The following NDRG3 variants were observed in gnomAD, a reference collection of about 807,000 sequenced individuals.
NDRG3 encodes the protein NDRG family member 3, also known as protein NDRG3.
In NDRG3, 23 loss-of-function variants were observed where a neutral mutation model predicts 57.2. The observed-to-expected ratio is 0.40, with a 90% confidence interval of 0.29 to 0.57. NDRG3 has a LOEUF of 0.57. Ranked by LOEUF, NDRG3 falls within the 20% of genes least tolerant of loss-of-function variation. The pLI is 0.42. For missense variants in NDRG3, 384 were observed against 457.3 expected (o/e 0.84, Z 1.46); for synonymous variants, 132 against 162.6 (o/e 0.81, Z 1.43).
chr20:36,669,646 T>G (rs1979967816), intron 9 of NDRG3, among the ~76,000 whole-genome samples: 1 of 152,182 alleles, frequency 6.6e-6, no homozygotes, highest in Admixed American at 6.5e-5. Context: ...ATTACAGGCG[T>G]GAGCCATGGC....
intron 3 of NDRG3, among the ~76,000 whole-genome samples, chr20:36,693,696 G>A (rs78505775): frequency 6.6e-6 from 1 of 151,744 alleles, no homozygotes; most frequent in Non-Finnish European, 1.5e-5. Context: ...AACTAAGCAT[G>A]CAAGGGATCT....
intron 2 of NDRG3, among the ~76,000 whole-genome samples, chr20:36,712,572 TATATATATATATATA>T (rs1409013849): frequency 1.7e-4 from 3 of 17,924 alleles, no homozygotes; most frequent in East Asian, 2.1e-3. Context: ...TATATATATA[TATATATATATATATA>T]TTTTTTTTTT....
chr20:36,683,578 C>T (rs1981503751), intron 6 of NDRG3, among the ~76,000 whole-genome samples: 1 of 151,542 alleles, frequency 6.6e-6, no homozygotes, highest in Non-Finnish European at 1.5e-5. Context: ...GATCGCACCA[C>T]TACACTCTAG....
At chr20:36,660,750 C>T (rs1482112501) in intron 12 of NDRG3, among the ~76,000 whole-genome samples, 4 of 151,998 alleles carry the variant, frequency 2.6e-5, no homozygotes, top group East Asian at 1.9e-4. Context: ...TTAGTAGAGA[C>T]GGGGTTTCAC....
rs1978420369 is a variant in NDRG3, at chr20:36,653,805, A to G, written c.947-104T>C. The G allele has an allele frequency of 4.8e-6, 5 of 1,046,978 alleles. No individual in the cohort carries two copies. Among genetic ancestry groups the G allele is most frequent in the Admixed American group, 2.3e-5 (1 of 43,198 alleles). 64.9% of individuals were successfully genotyped at this position (1,046,978 alleles called of 1,614,324 possible). ...TATGTTTAGCTTTTCCGACTCATTT[A>G]CCATGACACCCAGGACAAGATATAG... On this transcript the variant is annotated intron_variant, in intron 15 of 15. Transcript: ENST00000349004. This position sits in a 1 kb window ranked among gnomAD's most constrained non-coding sequence, Gnocchi z 4.2.
Position 36,653,865 on chromosome 20 carries a change from T to C in NDRG3, c.947-164A>G, listed in dbSNP as rs767685555. On this transcript the variant is annotated intron_variant, in intron 15 of 15. Transcript: ENST00000349004. The surrounding 1 kb of genome is among the most constrained non-coding windows in gnomAD (Gnocchi z 4.2). ...TTTTGTATCATTTGCTCTAGGTGAG[T>C]GGCGATATGTGAGGCCACTTTAATC... 1.3e-5 allele frequency among the ~76,000 whole-genome samples: 2 copies of C among 152,114 alleles called. No homozygotes were observed. Among genetic ancestry groups the C allele is most frequent in the Admixed American group, 6.6e-5 (1 of 15,258 alleles).
At chr20:36,684,582 G>T in intron 5 of NDRG3, 107 bp from the exon 6 acceptor site, 1 of 945,058 alleles carries the variant, frequency 1.1e-6, no homozygotes, top group South Asian at 1.4e-5. Context: ...GAGCGCAGTA[G>T]CTCATGCCTA....
At chr20:36,710,939 C>T (rs1399662734) in intron 2 of NDRG3, among the ~76,000 whole-genome samples, 2 of 151,748 alleles carry the variant, frequency 1.3e-5, no homozygotes, top group Non-Finnish European at 2.9e-5. Context: ...GAGACGGCGC[C>T]ACTGCACTCC....
chr20:36,740,831 CAATT>C (rs1360112780), intron 1 of NDRG3, among the ~76,000 whole-genome samples: 26 of 152,190 alleles, frequency 1.7e-4, no homozygotes, highest in Admixed American at 9.2e-4. Flanking sequence ...AATGAGAGAA[CAATT>C]AATTGTAGGT....
intron 1 of NDRG3, among the ~76,000 whole-genome samples, chr20:36,729,890 G>T (rs575634765): frequency 3.3e-5 from 5 of 152,116 alleles, no homozygotes; most frequent in Non-Finnish European, 7.4e-5. Context: ...CCATTAATTT[G>T]ATTTCGTCCT....
At chr20:36,716,489 T>A (rs1223956342) in intron 2 of NDRG3, among the ~76,000 whole-genome samples, 4 of 145,680 alleles carry the variant, frequency 2.7e-5, no homozygotes, top group Non-Finnish European at 6.0e-5. Flanking sequence ...GCCGAGATCA[T>A]GCCACTGCAC....
At chr20:36,672,526 G>T (rs1265020700) in intron 8 of NDRG3, among the ~76,000 whole-genome samples, 1 of 152,150 alleles carries the variant, frequency 6.6e-6, no homozygotes, top group Non-Finnish European at 1.5e-5. Flanking sequence ...TGATGCACAG[G>T]TTATGAACTA....
rs757966179 is a variant in NDRG3 at position 36,656,411 on chromosome 20, G to C, written c.895C>G (p.Pro299Ala). The change falls in exon 15 of 16, where the codon CCT becomes GCT. Residue 299 changes from proline to alanine, a missense_variant and splice_region_variant. By Grantham distance (27) the Pro-to-Ala change is conservative (BLOSUM62 -1). Transcript: ENST00000349004. ...TTGAAGGCCTCGGTGAGCTTCCCAGGCTGGGGGGATAAAACAAGAGGGCAT... is the reference window on the plus strand; with the variant it reads ...TTGAAGGCCTCGGTGAGCTTCCCAGCCTGGGGGGATAAAACAAGAGGGCAT... The part of the protein sequence containing the change: ...DCGGLPQVVQ[P>A]GKLTEAFKYF... 3.1e-6 allele frequency: 5 copies of C among 1,614,148 alleles called. No homozygotes were observed. In the East Asian group the frequency reaches 1.1e-4, roughly 36 times the overall value.
At chr20:36,722,194 G>A (rs1026386769) in intron 1 of NDRG3, among the ~76,000 whole-genome samples, 2 of 152,172 alleles carry the variant, frequency 1.3e-5, no homozygotes, top group African/African-American at 2.4e-5. Flanking sequence ...ACTGAGAGCA[G>A]CCTCCAGCAG....
At chr20:36,692,272 G>C (rs1184600572) in intron 3 of NDRG3, among the ~76,000 whole-genome samples, 1 of 152,118 alleles carries the variant, frequency 6.6e-6, no homozygotes, top group Non-Finnish European at 1.5e-5. Flanking sequence ...CGCCCAGGCT[G>C]GAGTGCAGTG....
chr20:36,734,785 A>C (rs1015487899), intron 1 of NDRG3, among the ~76,000 whole-genome samples: 2 of 151,696 alleles, frequency 1.3e-5, no homozygotes, highest in African/African-American at 4.8e-5. Context: ...TGTGACAGCC[A>C]AACATGTCTC....
chr20:36,685,943 GA>G (rs1247658725), intron 5 of NDRG3, among the ~76,000 whole-genome samples: 2 of 152,218 alleles, frequency 1.3e-5, no homozygotes, highest in Non-Finnish European at 2.9e-5. Flanking sequence ...CCAGGAGGTT[GA>G]GGCTGCAGTA....
At chr20:36,692,791 A>G (rs1600908338) in intron 3 of NDRG3, among the ~76,000 whole-genome samples, 1 of 151,462 alleles carries the variant, frequency 6.6e-6, no homozygotes, top group African/African-American at 2.4e-5. Flanking sequence ...GATCTTAACC[A>G]AGGCAGTGGT....
At chr20:36,742,512 T>C (rs188564166) in intron 1 of NDRG3, among the ~76,000 whole-genome samples, 2 of 152,316 alleles carry the variant, frequency 1.3e-5, no homozygotes, top group African/African-American at 2.4e-5. Context: ...TATGGATATT[T>C]ACCAGGTTTC....
Sources: gnomAD v4.1 joint callset for allele counts (sites outside exome capture counted in the v4.1 genomes callset) on GRCh38, gnomAD v4.1.1 for gene constraint, Gnocchi (gnomAD v3.1) non-coding constraint, MANE v1.5 for transcripts, NCBI Gene and HGNC (gene_info 2026-07-23, HGNC 2026-07-21) for gene names.